The following NUP160 variants were observed in gnomAD, a reference collection of about 807,000 sequenced individuals.
NUP160 encodes the protein nuclear pore complex protein Nup160.
A neutral mutation model predicts 196.9 loss-of-function variants in NUP160; 94 were observed. The observed-to-expected ratio is 0.48, with a 90% CI of 0.40 to 0.57. The LOEUF (loss-of-function observed/expected upper bound fraction) is 0.57, where lower values mean the gene tolerates loss of function less well. Among genes scored for constraint, NUP160 ranks in the 20% least tolerant of loss-of-function variants. The pLI, the probability that NUP160 is intolerant of heterozygous loss-of-function variation, is 0.00. For missense variants in NUP160, 1,638 were observed against 1,748.3 expected (o/e 0.94, Z 1.13); for synonymous variants, 605 against 619.7 (o/e 0.98, Z 0.35).
At chr11:47,806,800 C>T (rs879444059) in intron 19 of NUP160, among the ~76,000 whole-genome samples, 4,326 of 53,480 alleles carry the variant, frequency 0.081, 136 homozygotes, top group East Asian at 0.22. Context: ...TACACACACA[C>T]ACACACACAC....
intron 7 of NUP160, among the ~76,000 whole-genome samples, chr11:47,826,293 A>C (rs1308126377): frequency 2.0e-5 from 3 of 152,200 alleles, no homozygotes; most frequent in Non-Finnish European, 2.9e-5. Context: ...TTTTGTGAAG[A>C]AAAAAGAAAT....
At chr11:47,829,874 C>T (rs1469159914) in intron 7 of NUP160, among the ~76,000 whole-genome samples, 1 of 152,160 alleles carries the variant, frequency 6.6e-6, no homozygotes. Flanking sequence ...CAAGTGGGAT[C>T]TAATTAAACT....
intron 4 of NUP160, 101 bp from the exon 5 acceptor site, chr11:47,837,724 C>T: frequency 2.4e-6 from 2 of 817,192 alleles, no homozygotes; most frequent in Admixed American, 1.9e-5. Flanking sequence ...CAACAGACTT[C>T]CGTATTTCTG....
intron 17 of NUP160, among the ~76,000 whole-genome samples, chr11:47,810,042 T>C (rs2097680231): frequency 6.6e-6 from 1 of 151,810 alleles, no homozygotes; most frequent in African/African-American, 2.4e-5. Flanking sequence ...TTCAGAAAAA[T>C]TGACAAAAGT....
chr11:47,813,218 G>A, intron 14 of NUP160, 98 bp downstream of exon 14: 1 of 1,056,016 alleles, frequency 9.5e-7, no homozygotes, highest in South Asian at 1.4e-5. Context: ...AAGTGACCAA[G>A]ACAGGTGTGG....
intron 9 of NUP160, chr11:47,821,432 A>C (rs890553321): frequency 4.1e-6 from 1 of 246,518 alleles, no homozygotes; most frequent in African/African-American, 2.5e-5. Context: ...ATGTTGGCTC[A>C]CTGCAATCTC....
At chr11:47,815,236 A>G (rs746148980) in intron 13 of NUP160, 1 of 320,044 alleles carries the variant, frequency 3.1e-6, no homozygotes, top group Non-Finnish European at 5.6e-6. Context: ...AGAAAAAAAG[A>G]AAAAGAAATA....
At position 47,798,156 on chromosome 11, in the gene NUP160, C is replaced by T; in HGVS notation, c.3086+12G>A. 6.3e-7 allele frequency: 1 copy of T among 1,598,500 alleles called. No homozygotes were observed. The highest frequency in any genetic ancestry group is 8.6e-7 in the Non-Finnish European group (1 of 1,167,908). ...GGTAAATTGTCTTCTCTAAAAAAGG[C>T]CATGAAATTACCTGCTGGAATCAGG... On this transcript the variant is annotated intron_variant, in intron 25 of 35. Coordinates refer to ENST00000378460, the Ensembl canonical transcript of NUP160.
At chr11:47,837,547 G>A (rs1447126290) in exon 5 of NUP160, 3 of 1,613,546 alleles carry the variant, frequency 1.9e-6, no homozygotes, top group East Asian at 4.5e-5. Flanking sequence ...CCACTCACCT[G>A]ATAGCTGTTG....
At chr11:47,808,315 A>T in intron 18 of NUP160, 81 bp downstream of exon 18, 1 of 1,371,548 alleles carries the variant, frequency 7.3e-7, no homozygotes, top group South Asian at 1.3e-5. Flanking sequence ...CAAAACACTA[A>T]AACTTTTTCC....
Position 47,779,201 on chromosome 11 carries a change from G to T in NUP160, c.4222-7C>A. 1.3e-6 allele frequency: 2 copies of T among 1,581,394 alleles called. No homozygotes were observed. The highest frequency in any genetic ancestry group is 1.7e-6 in the Non-Finnish European group (2 of 1,152,200). On this transcript the variant is annotated splice_polypyrimidine_tract_variant and splice_region_variant and intron_variant, in intron 35 of 35. Transcript: ENST00000378460. ...CAAGTATTTTCTGGGACAGCTATAA[G>T]AGAAAAGAAGGAAAACATTACATAA...
intron 7 of NUP160, 96 bp from the exon 8 acceptor site, chr11:47,822,260 A>ATT: frequency 3.4e-6 from 3 of 872,830 alleles, no homozygotes; most frequent in African/African-American, 1.7e-5. Context: ...TTTAAAAAAA[A>ATT]ATTTTTTTTT....
At chr11:47,843,505 G>C (rs138097385) in intron 2 of NUP160, among the ~76,000 whole-genome samples, 109 of 152,190 alleles carry the variant, frequency 7.2e-4, no homozygotes, top group African/African-American at 2.2e-3. Flanking sequence ...CTAAATGTTG[G>C]TGTGCCCCAG....
In NUP160 at chr11:47,787,089, C is replaced by CTTTT. The variant is rs56249837; in HGVS notation, c.3747-539_3747-536dup. On this transcript the variant is annotated intron_variant, in intron 31 of 35. Transcript: ENST00000378460. ...AGGTATGAGCCACCGCACCTGGCCT[C>CTTTT]TTTTTTTTTTTAAATTAAGATGGAG... 179 of 140,842 alleles carry CTTTT rather than the reference C, an allele frequency of 1.3e-3. 3 individuals carry two copies. Among genetic ancestry groups the CTTTT allele is most frequent in the Admixed American group, 1.7e-3 (24 of 13,728 alleles). The allele number at this position is 140,842 out of a possible 1,614,324, so 8.7% of individuals were successfully genotyped here.
At chr11:47,821,948 TAA>T in intron 8 of NUP160, 127 bp from the exon 9 acceptor site, 3 of 990,038 alleles carry the variant, frequency 3.0e-6, no homozygotes, top group Non-Finnish European at 4.6e-6. Context: ...ATGAATTTGG[TAA>T]AGTCTAAATG....
At chr11:47,789,110 C>T (rs2097666458) in intron 29 of NUP160, among the ~76,000 whole-genome samples, 1 of 152,140 alleles carries the variant, frequency 6.6e-6, no homozygotes, top group Admixed American at 6.6e-5. Context: ...CTCCTGACCT[C>T]AGGTGATCCA....
At chr11:47,809,971 T>A (rs1332842499) in intron 17 of NUP160, among the ~76,000 whole-genome samples, 5 of 152,034 alleles carry the variant, frequency 3.3e-5, no homozygotes, top group African/African-American at 4.8e-5. Context: ...ATAAATTTTT[T>A]AAATTTTTGC....
At chr11:47,834,213 C>T (rs752404526) in intron 7 of NUP160, among the ~76,000 whole-genome samples, 7 of 151,902 alleles carry the variant, frequency 4.6e-5, no homozygotes, top group South Asian at 2.1e-4. Flanking sequence ...AATAGGGTCC[C>T]GAGACCAAAA....
At chr11:47,821,786 A>G in exon 9 of NUP160, 1 of 1,614,132 alleles carries the variant, frequency 6.2e-7, no homozygotes, top group African/African-American at 1.3e-5. Context: ...GGGCCCAGAT[A>G]TCCGTGGAAG....
Sources: gnomAD v4.1 joint callset for allele counts (sites outside exome capture counted in the v4.1 genomes callset) on GRCh38, gnomAD v4.1.1 for gene constraint, MANE v1.5 for transcripts, NCBI Gene and HGNC (gene_info 2026-07-23, HGNC 2026-07-21) for gene names.